The following NRBP2 variants were observed in gnomAD, a reference collection of about 807,000 sequenced individuals.
NRBP2 encodes the protein nuclear receptor binding protein 2.
In NRBP2, 47 loss-of-function variants were observed where a neutral mutation model predicts 74.4. That is an observed-to-expected ratio of 0.63 (90% CI 0.50 to 0.81). NRBP2 has a LOEUF of 0.81. Ranked by LOEUF, NRBP2 falls within the 30% of genes least tolerant of loss-of-function variation. The pLI is 0.00. For missense variants in NRBP2, 613 were observed against 690.1 expected, an observed-to-expected ratio of 0.89 and a Z score of 1.25; for synonymous variants, 312 against 273.8, an observed-to-expected ratio of 1.14 and a Z score of -1.38.
At position 143,840,452 on chromosome 8, in the gene NRBP2, G is replaced by A. The variant is rs1818644403; in HGVS notation, c.130-223C>T. The A allele has an allele frequency of 1.4e-6, 1 of 691,704 alleles. No homozygotes were observed. The highest frequency in any genetic ancestry group is 2.4e-6 in the Non-Finnish European group (1 of 423,374). 42.8% of individuals were successfully genotyped at this position (691,704 alleles called of 1,614,324 possible). On this transcript the variant is annotated intron_variant, in intron 1 of 17. Coordinates refer to ENST00000442628, the MANE Select transcript of NRBP2 (RefSeq NM_178564.4). This position sits in a 1 kb window ranked among gnomAD's most constrained non-coding sequence, Gnocchi z 5.7. ...TGGAGCAGGTTTCAGGGGGTCGAGG[G>A]GGATCCCCAGGAAGCTAGCGGCTGA...
At chr8:143,838,604 G>A (rs922244616) in intron 10 of NRBP2, 76 bp downstream of exon 10, 20 of 1,069,718 alleles carry the variant, frequency 1.9e-5, no homozygotes, top group Non-Finnish European at 2.6e-5. Context: ...TGTTCTCCCA[G>A]GTCTGCCTGG....
rs782026766 is a variant in NRBP2, at chr8:143,837,080, T to C, written c.1222A>G (p.Lys408Glu). ...APPPEEVQKA[K>E]TPTPEPFDSE... ...TCAAAGGGCTCTGGCGTCGGGGTCT[T>C]GGCCTTTTGGACCTCCTCCGGGGGT... The change falls in exon 14 of 18, where the codon AAG becomes GAG. Residue 408 changes from lysine (K) to glutamate (E), a missense_variant. Coordinates refer to ENST00000442628, the MANE Select transcript of NRBP2 (RefSeq NM_178564.4). The surrounding 1 kb of genome is among the most constrained non-coding windows in gnomAD (Gnocchi z 4.3). The C allele has an allele frequency of 5.0e-6, 8 of 1,611,686 alleles. No individual in the cohort carries two copies. In the African/African-American group the frequency reaches 9.4e-5, roughly 19 times the overall value.
rs1554652069 is a variant in NRBP2, at chr8:143,837,210, T to C, written c.1128-36A>G. 1.2e-6 allele frequency: 2 copies of C among 1,613,884 alleles called. No homozygotes were observed. Among genetic ancestry groups the C allele is most frequent in the Middle Eastern group, 1.7e-4 (1 of 6,060 alleles). Reference sequence around the variant, plus strand: ...AACAGGGTGGCTGGGGGTTCAGGCCTGACAGCTGCCTGGCCCCCAACCTTA... The same window carrying C: ...AACAGGGTGGCTGGGGGTTCAGGCCCGACAGCTGCCTGGCCCCCAACCTTA... On this transcript the variant is annotated intron_variant, in intron 13 of 17. Transcript: ENST00000442628. This position sits in a 1 kb window ranked among gnomAD's most constrained non-coding sequence, Gnocchi z 4.3.
chr8:143,840,651 GC>G lies in NRBP2; in HGVS notation c.129+54del. The G allele has an allele frequency of 1.4e-6, 2 of 1,391,526 alleles. No homozygotes were observed. The highest frequency in any genetic ancestry group is 1.4e-5 in the South Asian group (1 of 70,756). The allele number at this position is 1,391,526 out of a possible 1,614,324, so 86.2% of individuals were successfully genotyped here. On this transcript the variant is annotated intron_variant, in intron 1 of 17. Transcript: ENST00000442628. This position sits in a 1 kb window ranked among gnomAD's most constrained non-coding sequence, Gnocchi z 5.7. The stretch of plus-strand genomic sequence containing the variant: ...CCCCCACGCCCCGCGCAGCCTCCAG[GC>G]CCCTCCCGCTCTGGGAGGGCGGTGT...
At position 143,839,324 on chromosome 8, in the gene NRBP2, C is replaced by T; in HGVS notation, c.570G>A (p.Lys190=). 1 of 1,565,814 alleles carries T rather than the reference C, an allele frequency of 6.4e-7. No homozygotes were observed. The highest frequency in any genetic ancestry group is 2.3e-5 in the East Asian group (1 of 43,306). ...TIFIQHNGLI[K]IGSVWHRIFS... is the part of the protein sequence containing the mutation. ...CTGCCCCGCCAGCACCGGAGCCGAT[C>T]TTGATGAGGCCGTTGTGCTGAATGA... Residue 190 remains lysine, a synonymous_variant, in exon 6 of 18, where the codon AAG becomes AAA. Transcript: ENST00000442628. The surrounding 1 kb of genome is among the most constrained non-coding windows in gnomAD (Gnocchi z 5.1).
chr8:143,832,516 C>T (rs144142453), downstream of NRBP2, among the ~76,000 whole-genome samples: 22 of 152,370 alleles, frequency 1.4e-4, no homozygotes, highest in East Asian at 4.2e-3. Context: ...TGGAATGTCT[C>T]CATATAAAAC....
In NRBP2 at chr8:143,839,948, G is replaced by A. The variant is rs1201210645; in HGVS notation, c.335C>T (p.Thr112Ile). Residue 112 changes from threonine to isoleucine, a missense_variant, in exon 3 of 18, where the codon ACC becomes ATC. Around this residue, in one of 2 missense-constraint regions of NRBP2, gnomAD observed 332 missense variants for 429.2 expected, o/e 0.77. Transcript: ENST00000442628. The surrounding 1 kb of genome is among the most constrained non-coding windows in gnomAD (Gnocchi z 5.1). ...IVKLHKYWLD[T>I]SEACARVIFI... ...GCTCACCCTCGCGCAGGCCTCAGAG[G>A]TATCCAGCCAGTACTTGTGCAACTT... 5 of 1,536,166 alleles carry A rather than the reference G, an allele frequency of 3.3e-6. No individual in the cohort carries two copies. In the East Asian group the frequency reaches 7.3e-5, roughly 23 times the overall value.
At position 143,835,786 on chromosome 8, in the gene NRBP2, C is replaced by G; in HGVS notation, c.1437+34G>C. 1 of 1,603,550 alleles carries G rather than the reference C, an allele frequency of 6.2e-7. No homozygotes were observed. Among genetic ancestry groups the G allele is most frequent in the Non-Finnish European group, 8.5e-7 (1 of 1,175,514 alleles). ...GGGGCGCGGCCTGCCCCGTGCGCCCCCTCCGCCAGGCCGCGCCGCACCGCC... is the reference window on the plus strand; with the variant it reads ...GGGGCGCGGCCTGCCCCGTGCGCCCGCTCCGCCAGGCCGCGCCGCACCGCC... On this transcript the variant is annotated intron_variant, in intron 17 of 17. Coordinates refer to ENST00000442628, the MANE Select transcript of NRBP2 (RefSeq NM_178564.4). The surrounding 1 kb of genome is among the most constrained non-coding windows in gnomAD (Gnocchi z 4.9).
At position 143,837,859 on chromosome 8, in the gene NRBP2, G is replaced by C; in HGVS notation, c.841-104C>G. ...TGAGTTCCCCATGTCCCTCCTCAGG[G>C]ACACACAGGACATGCAGGGATGCCC... On this transcript the variant is annotated intron_variant, in intron 10 of 17. Transcript: ENST00000442628. The surrounding 1 kb of genome is among the most constrained non-coding windows in gnomAD (Gnocchi z 4.3). 2 of 1,382,778 alleles carry C rather than the reference G, an allele frequency of 1.4e-6. No homozygotes were observed. The highest frequency in any genetic ancestry group is 2.0e-6 in the Non-Finnish European group (2 of 1,002,788). The allele number at this position is 1,382,778 out of a possible 1,614,324, so 85.7% of individuals were successfully genotyped here.
Position 143,839,427 on chromosome 8 carries a change from GGAGAGTAGGAGGA to G in NRBP2, c.486-32_486-20del. On this transcript the variant is annotated intron_variant, in intron 5 of 17. Coordinates refer to ENST00000442628, the MANE Select transcript of NRBP2 (RefSeq NM_178564.4). This position sits in a 1 kb window ranked among gnomAD's most constrained non-coding sequence, Gnocchi z 5.1. ...CAGGAAGCTGCAGACGTTGGGGAGGGGAGAGTAGGAGGAGCCGGTCAGGAGGCTCTGGAGAGAT... is the reference window on the plus strand; with the variant it reads ...CAGGAAGCTGCAGACGTTGGGGAGGGGCCGGTCAGGAGGCTCTGGAGAGAT... 6.5e-7 allele frequency: 1 copy of G among 1,547,848 alleles called. No homozygotes were observed. The highest frequency in any genetic ancestry group is 1.9e-5 in the Admixed American group (1 of 52,804).
Position 143,840,828 on chromosome 8 carries a change from C to T in NRBP2, c.7G>A (p.Ala3Thr), listed in dbSNP as rs1554653564. MA[A>T]PEPAPRRARE... ...GCCCGCCTCGGCGCCGGCTCCGGGG[C>T]CGCCATGGTTCGGCCAGCCCAGGCC... Residue 3 changes from alanine to threonine, a missense_variant, in exon 1 of 18, where the codon GCC becomes ACC. Ala to Thr is a moderately conservative substitution (Grantham distance 58). Around this residue, in one of 2 missense-constraint regions of NRBP2, gnomAD observed 332 missense variants for 429.2 expected, o/e 0.77. Transcript: ENST00000442628. The surrounding 1 kb of genome is among the most constrained non-coding windows in gnomAD (Gnocchi z 5.7). The T allele has an allele frequency of 5.2e-5, 77 of 1,488,132 alleles. No homozygotes were observed. Among genetic ancestry groups the T allele is most frequent in the Non-Finnish European group, 6.8e-5 (77 of 1,124,702 alleles). The allele number at this position is 1,488,132 out of a possible 1,614,324, so 92.2% of individuals were successfully genotyped here.
At chr8:143,832,511 T>G (rs1383168408), downstream of NRBP2, among the ~76,000 whole-genome samples, 1 of 152,262 alleles carries the variant, frequency 6.6e-6, no homozygotes, top group Non-Finnish European at 1.5e-5. Flanking sequence ...GGCAATGGAA[T>G]GTCTCCATAT....
rs1554652854 is a variant in NRBP2 at position 143,839,143 on chromosome 8, G to A, written c.604+29C>T. ...GCTGAGCGGGCGGGGACCTCTCCAG[G>A]ACCCCGTCCCCCCAAAGTCCGCACT... On this transcript the variant is annotated intron_variant, in intron 7 of 17. Transcript: ENST00000442628. The surrounding 1 kb of genome is among the most constrained non-coding windows in gnomAD (Gnocchi z 5.1). 6.6e-7 allele frequency: 1 copy of A among 1,515,390 alleles called. No individual in the cohort carries two copies. The highest frequency in any genetic ancestry group is 1.2e-5 in the South Asian group (1 of 80,674). The allele number at this position is 1,515,390 out of a possible 1,614,324, so 93.9% of individuals were successfully genotyped here. A position where few individuals can be genotyped will look rare whatever the true frequency, so the allele number is the denominator to read the frequency against.
chr8:143,829,838 C>T (rs1162936054), downstream of NRBP2: 1 of 152,488 alleles, frequency 6.6e-6, no homozygotes, highest in Non-Finnish European at 1.5e-5. Flanking sequence ...AGCTTTTTCT[C>T]CTTCCAGGGA....
At position 143,839,908 on chromosome 8, in the gene NRBP2, C is replaced by A; in HGVS notation, c.354+21G>T. On this transcript the variant is annotated intron_variant, in intron 3 of 17. Transcript: ENST00000442628. The surrounding 1 kb of genome is among the most constrained non-coding windows in gnomAD (Gnocchi z 5.1). ...CACCTAGCTGTGGTCTCTGCCTGCCCGGGGCCTTGCCCGTGCTCACCCTCG... is the reference window on the plus strand; with the variant it reads ...CACCTAGCTGTGGTCTCTGCCTGCCAGGGGCCTTGCCCGTGCTCACCCTCG... 4.6e-6 allele frequency: 7 copies of A among 1,535,778 alleles called. No individual in the cohort carries two copies. Among genetic ancestry groups the A allele is most frequent in the Non-Finnish European group, 6.1e-6 (7 of 1,146,566 alleles).
In NRBP2 at chr8:143,840,875, C is replaced by A; in HGVS notation, c.-41G>T. The A allele has an allele frequency of 7.8e-7, 1 of 1,285,314 alleles. No homozygotes were observed. Among genetic ancestry groups the A allele is most frequent in the Non-Finnish European group, 9.8e-7 (1 of 1,023,588 alleles). The allele number at this position is 1,285,314 out of a possible 1,614,324, so 79.6% of individuals were successfully genotyped here. A position where few individuals can be genotyped will look rare whatever the true frequency, so the allele number is the denominator to read the frequency against. Reference sequence around the variant, plus strand: ...GGCCACCGCCCTCTGCGCGATCCGCCGCCGGCGCAGCCTCTCCCGGCCCGC... The same window carrying A: ...GGCCACCGCCCTCTGCGCGATCCGCAGCCGGCGCAGCCTCTCCCGGCCCGC... On this transcript the variant is annotated 5_prime_UTR_variant, in exon 1 of 18. Coordinates refer to ENST00000442628, the MANE Select transcript of NRBP2 (RefSeq NM_178564.4). This position sits in a 1 kb window ranked among gnomAD's most constrained non-coding sequence, Gnocchi z 5.7.
In NRBP2 at chr8:143,837,357, CGGGGA is replaced by C; in HGVS notation, c.1076+45_1076+49del. The C allele has an allele frequency of 9.5e-6, 1 of 105,086 alleles. No homozygotes were observed. The highest frequency in any genetic ancestry group is 1.7e-5 in the Non-Finnish European group (1 of 57,222). 6.5% of individuals were successfully genotyped at this position (105,086 alleles called of 1,614,324 possible). A position where few individuals can be genotyped will look rare whatever the true frequency, so the allele number is the denominator to read the frequency against. Reference sequence around the variant, plus strand: ...GGCCGGGGCGAGGGGAGGGGAGGTGCGGGGAGGGGAGGTGTGGGGAGGGGAGGCTT... The same window carrying C: ...GGCCGGGGCGAGGGGAGGGGAGGTGCGGGGAGGTGTGGGGAGGGGAGGCTT... On this transcript the variant is annotated intron_variant, in intron 12 of 17. Coordinates refer to ENST00000442628, the MANE Select transcript of NRBP2 (RefSeq NM_178564.4). The surrounding 1 kb of genome is among the most constrained non-coding windows in gnomAD (Gnocchi z 4.3).
Position 143,840,278 on chromosome 8 carries a change from TG to T in NRBP2, c.130-50del. 2 of 1,532,236 alleles carry T rather than the reference TG, an allele frequency of 1.3e-6. No homozygotes were observed. Among genetic ancestry groups the T allele is most frequent in the Non-Finnish European group, 1.7e-6 (2 of 1,144,668 alleles). 94.9% of individuals were successfully genotyped at this position (1,532,236 alleles called of 1,614,324 possible). A position where few individuals can be genotyped will look rare whatever the true frequency, so the allele number is the denominator to read the frequency against. On this transcript the variant is annotated intron_variant, in intron 1 of 17. Coordinates refer to ENST00000442628, the MANE Select transcript of NRBP2 (RefSeq NM_178564.4). The surrounding 1 kb of genome is among the most constrained non-coding windows in gnomAD (Gnocchi z 5.7). ...TGTGCCCTGGTGTGTGTCAGGGTTG[TG>T]GGTGAGGATTTGGTCCCTGTCCACA...
chr8:143,831,686 G>C (rs1818170762), downstream of NRBP2, among the ~76,000 whole-genome samples: 1 of 152,204 alleles, frequency 6.6e-6, no homozygotes, highest in African/African-American at 2.4e-5. Context: ...ATAAGGAAAT[G>C]AGAGAAATCA....
Sources: gnomAD v4.1 joint callset for allele counts (sites outside exome capture counted in the v4.1 genomes callset) on GRCh38, gnomAD v4.1.1 for gene constraint, gnomAD v4.1.1 regional missense constraint, Gnocchi (gnomAD v3.1) non-coding constraint, MANE v1.5 for transcripts, NCBI Gene and HGNC (gene_info 2026-07-23, HGNC 2026-07-21) for gene names.